ZNF568: variants seen among roughly 807,000 people sequenced by gnomAD.
ZNF568 encodes p53 inhibitor of SCO2 activation.
Under a neutral mutation model 18.1 loss-of-function variants are expected in ZNF568, and 11 were observed. That is an observed-to-expected ratio of 0.61 (90% CI 0.38 to 1.00). The LOEUF is 1.00. Among genes scored for constraint, ZNF568 ranks in the 50% least tolerant of loss-of-function variants. The probability of loss-of-function intolerance (pLI) is 0.01; values close to 1 mark genes in which losing one functional copy is unlikely to be tolerated. For synonymous variants in ZNF568, 213 were observed against 246.6 expected (o/e 0.86, Z 1.28); for missense variants, 639 against 768.2 (o/e 0.83, Z 1.99).
chr19:36,968,723 C>CAA (rs990557222), intron 6 of ZNF568, among the ~76,000 whole-genome samples: 1 of 122,472 alleles, frequency 8.2e-6, no homozygotes. Context: ...CTCACTGCCT[C>CAA]AAAAAAAAAA....
downstream of ZNF568, chr19:36,997,560 G>A: frequency 6.3e-7 from 1 of 1,584,878 alleles, no homozygotes; most frequent in Non-Finnish European, 8.6e-7. Flanking sequence ...AGTGTAAGGA[G>A]TGTGGGAAGC....
intron 6 of ZNF568, among the ~76,000 whole-genome samples, chr19:36,971,979 TGC>T (rs1312010802): frequency 6.6e-6 from 1 of 151,052 alleles, no homozygotes; most frequent in Admixed American, 6.6e-5. Flanking sequence ...GGACTACAGG[TGC>T]GCGCCACCAC....
chr19:36,996,923 A>G (rs2074478838), exon 5 of ZNF568: 2 of 1,538,236 alleles, frequency 1.3e-6, no homozygotes, highest in Non-Finnish European at 1.7e-6. Context: ...GCACAGCTTA[A>G]TCTACATCAG....
rs764494399 is a variant in ZNF568 at position 36,949,931 on chromosome 19, A to G, written c.778A>G (p.Ser260Gly). The G allele has an allele frequency of 3.7e-5, 59 of 1,613,930 alleles. No homozygotes were observed. In the East Asian group the frequency reaches 7.4e-4, roughly 20 times the overall value. ...YECKECGKAF[S>G]RKENLITHQK... ...ATGTAAAGAATGTGGAAAAGCCTTC[A>G]GTAGGAAGGAAAATCTTATTACACA... The change falls in exon 7 of 7, where the codon AGT (serine) becomes GGT (glycine). Residue 260 changes from serine to glycine, a missense_variant. Transcript: ENST00000333987.
At chr19:36,920,752 G>C (rs1390555791) in intron 2 of ZNF568, among the ~76,000 whole-genome samples, 1 of 151,584 alleles carries the variant, frequency 6.6e-6, no homozygotes, top group African/African-American at 2.4e-5. Flanking sequence ...AAAGTCTACA[G>C]TAGTGTACAG....
rs1481521589 is a variant in ZNF568, at chr19:36,960,333, G to A, written c.359-14087G>A. Among the ~76,000 whole-genome samples the A allele has an allele frequency of 4.6e-5, 7 of 151,620 alleles. No individual in the cohort carries two copies. In the East Asian group the frequency reaches 9.7e-4, roughly 21 times the overall value. On this transcript the variant is annotated intron_variant, in intron 6 of 7. Transcript: ENST00000427117. ...GGGTTTCACCATGTTGGCCAGGCTG[G>A]TCTCGAACTCCTGACCTCAGGTGAT...
At chr19:36,939,532 CTTT>C (rs386388962) in intron 6 of ZNF568, among the ~76,000 whole-genome samples, 2 of 93,062 alleles carry the variant, frequency 2.1e-5, no homozygotes, top group African/African-American at 8.7e-5. Flanking sequence ...TATTTTCTTT[CTTT>C]TTTTTTTTTT....
intron 1 of ZNF568, among the ~76,000 whole-genome samples, chr19:36,917,136 G>T (rs2073353140): frequency 6.6e-6 from 1 of 152,126 alleles, no homozygotes; most frequent in Admixed American, 6.5e-5. Flanking sequence ...ACAGGCTTGC[G>T]CATTGACTGT....
At chr19:36,978,556 G>A (rs1046280366) in intron 7 of ZNF568, among the ~76,000 whole-genome samples, 1 of 151,976 alleles carries the variant, frequency 6.6e-6, no homozygotes, top group Non-Finnish European at 1.5e-5. Flanking sequence ...CACACGTTAC[G>A]TGAAACTTTC....
intron 4 of ZNF568, among the ~76,000 whole-genome samples, chr19:36,927,887 T>TTA (rs1420036962): frequency 0.011 from 438 of 38,940 alleles, 6 homozygotes; most frequent in East Asian, 0.017. Flanking sequence ...TATATATATA[T>TTA]TATATATATA....
intron 6 of ZNF568, among the ~76,000 whole-genome samples, chr19:36,939,333 G>A (rs1194901220): frequency 6.6e-6 from 1 of 152,056 alleles, no homozygotes; most frequent in Non-Finnish European, 1.5e-5. Context: ...GCAAAAAAAT[G>A]ACTCATTCAT....
chr19:36,997,402 G>T, downstream of ZNF568: 1 of 1,588,904 alleles, frequency 6.3e-7, no homozygotes. Context: ...ATGTGAAAAG[G>T]CCTTTACTTG....
At chr19:36,968,385 C>A (rs1022775105) in intron 6 of ZNF568, among the ~76,000 whole-genome samples, 2 of 151,654 alleles carry the variant, frequency 1.3e-5, no homozygotes, top group Admixed American at 6.6e-5. Flanking sequence ...CCAGCCTGGC[C>A]AACATGGTGA....
chr19:36,996,744 T>C, exon 5 of ZNF568: 1 of 1,539,560 alleles, frequency 6.5e-7, no homozygotes, highest in Non-Finnish European at 8.7e-7. Flanking sequence ...TTAATCATGA[T>C]TCTGGAATTA....
At chr19:36,979,063 A>G (rs2074309112) in exon 8 of ZNF568, 1 of 296,296 alleles carries the variant, frequency 3.4e-6, no homozygotes, top group African/African-American at 2.5e-5. Context: ...AGCTCACCGC[A>G]ACCTCTGCCT....
intron 6 of ZNF568, among the ~76,000 whole-genome samples, chr19:36,960,400 GAGCC>G (rs1395323136): frequency 1.3e-5 from 2 of 152,024 alleles, no homozygotes; most frequent in Non-Finnish European, 1.5e-5. Context: ...TTACAGGTAC[GAGCC>G]ACTGTGCCCA....
chr19:36,989,508 C>T (rs1215702776), intron 2 of ZNF568, among the ~76,000 whole-genome samples: 1 of 152,226 alleles, frequency 6.6e-6, no homozygotes, highest in Non-Finnish European at 1.5e-5. Flanking sequence ...TTAAGGGCCC[C>T]TCTGTTCTCC....
chr19:36,972,922 A>G (rs1037637500), intron 6 of ZNF568, among the ~76,000 whole-genome samples: 1 of 152,206 alleles, frequency 6.6e-6, no homozygotes, highest in African/African-American at 2.4e-5. Context: ...GTTTGCGGCT[A>G]CATTTTTCTG....
In ZNF568 at chr19:36,952,055, T is replaced by TC. The variant is rs2074068545; in HGVS notation, c.*968dup. The stretch of plus-strand genomic sequence containing the variant: ...CCAAGGAGCTTTTTTTTTTTTTTTT[T>TC]CAAGACAAAAGGACTCTGTAATTCC... On this transcript the variant is annotated 3_prime_UTR_variant, in exon 7 of 7. Transcript: ENST00000333987. The TC allele has an allele frequency of 1.9e-5, 18 of 951,756 alleles. No individual in the cohort carries two copies. The highest frequency in any genetic ancestry group is 2.2e-5 in the Non-Finnish European group (18 of 807,490). The allele number at this position is 951,756 out of a possible 1,614,324, so 59.0% of individuals were successfully genotyped here.
Sources: allele counts gnomAD v4.1 joint callset (sites outside exome capture counted in the v4.1 genomes callset), GRCh38; gene constraint gnomAD v4.1.1; transcripts MANE v1.5; gene names NCBI Gene and HGNC (gene_info 2026-07-23, HGNC 2026-07-21).